Variants in ADAM22 observed in about 807,000 individuals in gnomAD.
ADAM22 encodes the protein ADAM metallopeptidase domain 22, also known as disintegrin and metalloproteinase domain-containing protein 22.
A neutral mutation model predicts 144.6 loss-of-function variants in ADAM22; 65 were observed. The observed-to-expected ratio is 0.45, with a 90% CI of 0.37 to 0.55. ADAM22 has a LOEUF of 0.55. Ranked by LOEUF, ADAM22 falls within the 20% of genes least tolerant of loss-of-function variation. The pLI, the probability that ADAM22 is intolerant of heterozygous loss-of-function variation, is 0.00. For missense variants in ADAM22, 974 were observed against 1,184.9 expected, an observed-to-expected ratio of 0.82 and a Z score of 2.61; for synonymous variants, 391 against 412.6, an observed-to-expected ratio of 0.95 and a Z score of 0.63.
intron 30 of ADAM22, among the ~76,000 whole-genome samples, chr7:88,188,652 C>T (rs1413555099): frequency 6.6e-6 from 1 of 152,132 alleles, no homozygotes; most frequent in Non-Finnish European, 1.5e-5. Context: ...ATTGAGATGG[C>T]CCAGAACGTT....
rs111631002 is a variant in ADAM22 at position 88,050,484 on chromosome 7, C to CAAA, written c.324-25127_324-25125dup. Among the ~76,000 whole-genome samples, 139 of 117,248 alleles carry CAAA rather than the reference C, an allele frequency of 1.2e-3. 1 individual carries two copies. Among genetic ancestry groups the CAAA allele is most frequent in the South Asian group, 4.8e-3 (18 of 3,714 alleles). 76.9% of individuals were successfully genotyped at this position (117,248 alleles called of 152,430 possible). ...CAGTCTTAGTGATTTCAGGATAACT[C>CAAA]AAAAAAAAAAAAAAAAAGAAAGAAA... is the stretch of plus-strand genomic sequence containing the variant. On this transcript the variant is annotated intron_variant, in intron 3 of 31. Transcript: ENST00000413139.
chr7:88,012,151 AT>A (rs1425250452), intron 3 of ADAM22, among the ~76,000 whole-genome samples: 1 of 151,784 alleles, frequency 6.6e-6, no homozygotes, highest in Non-Finnish European at 1.5e-5. Flanking sequence ...TATCAAAGGC[AT>A]TCTTCATTTC....
chr7:88,169,190 G>A (rs774326590), intron 25 of ADAM22, among the ~76,000 whole-genome samples: 55 of 152,192 alleles, frequency 3.6e-4, no homozygotes, highest in Non-Finnish European at 7.4e-4. Context: ...TAAAAAGGGA[G>A]AGCAGTTAGT....
intron 2 of ADAM22, among the ~76,000 whole-genome samples, chr7:87,956,023 C>T (rs569910211): frequency 3.0e-4 from 46 of 152,294 alleles, no homozygotes; most frequent in African/African-American, 9.4e-4. Flanking sequence ...TTCTACGTGC[C>T]GTCTGTCACC....
At chr7:88,119,219 T>C (rs146252331) in intron 7 of ADAM22, among the ~76,000 whole-genome samples, 2 of 152,344 alleles carry the variant, frequency 1.3e-5, no homozygotes, top group African/African-American at 4.8e-5. Flanking sequence ...TATAAAAGTC[T>C]TGTGTACCAT....
chr7:87,961,584 G>T (rs1848008006), intron 2 of ADAM22, among the ~76,000 whole-genome samples: 1 of 152,172 alleles, frequency 6.6e-6, no homozygotes, highest in Non-Finnish European at 1.5e-5. Context: ...TACAAGCATG[G>T]TTATGAATTA....
At chr7:87,950,065 A>C (rs937383403) in intron 2 of ADAM22, among the ~76,000 whole-genome samples, 2 of 152,100 alleles carry the variant, frequency 1.3e-5, no homozygotes, top group African/African-American at 2.4e-5. Flanking sequence ...GAACAGGCAC[A>C]TTAGTATAAT....
chr7:88,137,608 G>A (rs1266604384), intron 14 of ADAM22, among the ~76,000 whole-genome samples: 2 of 152,008 alleles, frequency 1.3e-5, no homozygotes, highest in Non-Finnish European at 2.9e-5. Flanking sequence ...AACCATCTGA[G>A]ATTTGTTGTA....
rs545185141 is a variant in ADAM22, at chr7:88,163,247, T to C, written c.2076+67T>C. 216 of 1,308,520 alleles carry C rather than the reference T, an allele frequency of 1.7e-4. 1 individual carries two copies. In the African/African-American group the frequency reaches 2.9e-3, roughly 18 times the overall value. 81.1% of individuals were successfully genotyped at this position (1,308,520 alleles called of 1,614,324 possible). ...CACAGAAATAGACAGGACCCTAAAC[T>C]ATTTATTTTTCTTAATTATGGAAAA... On this transcript the variant is annotated intron_variant, in intron 23 of 31. Transcript: ENST00000413139.
chr7:88,022,820 T>C (rs1002422270), intron 3 of ADAM22, among the ~76,000 whole-genome samples: 1 of 152,206 alleles, frequency 6.6e-6, no homozygotes, highest in African/African-American at 2.4e-5. Flanking sequence ...AAAAAAACTA[T>C]AACTTTATAT....
Position 88,200,352 on chromosome 7 carries a change from C to A in ADAM22, c.*3861C>A, listed in dbSNP as rs1217487112. 6.6e-6 allele frequency: 1 copy of A among 152,088 alleles called. No individual in the cohort carries two copies. Among genetic ancestry groups the A allele is most frequent in the Non-Finnish European group, 1.5e-5 (1 of 68,024 alleles). 9.4% of individuals were successfully genotyped at this position (152,088 alleles called of 1,614,324 possible). A position where few individuals can be genotyped will look rare whatever the true frequency, so the allele number is the denominator to read the frequency against. On this transcript the variant is annotated 3_prime_UTR_variant, in exon 32 of 32. Transcript: ENST00000413139. ...ACTTAAAGGAAAGAGAATTTATTGG[C>A]AGGATATTGAGTAGCTTGTAGAGTA... is the stretch of plus-strand genomic sequence containing the variant.
chr7:88,153,452 C>G, intron 21 of ADAM22, 126 bp downstream of exon 21: 1 of 690,462 alleles, frequency 1.4e-6, no homozygotes, highest in African/African-American at 1.8e-5. Context: ...AACCTCATCT[C>G]TTCCCAGTGT....
At chr7:88,093,504 G>GT (rs1193832051) in intron 4 of ADAM22, among the ~76,000 whole-genome samples, 5 of 151,942 alleles carry the variant, frequency 3.3e-5, no homozygotes, top group Non-Finnish European at 4.4e-5. Flanking sequence ...TACATTTGAT[G>GT]TTTTTTGTTT....
chr7:88,151,267 T>C lies in ADAM22; in HGVS notation c.1628T>C (p.Phe543Ser). ...YSCDGVQGIC[F>S]GGRCKTRDRQ... The stretch of plus-strand genomic sequence containing the variant: ...GCTTTTCCGTTTTAGGGAATTTGCT[T>C]TGGAGGAAGATGCAAAACCAGAGAT... Residue 543 changes from phenylalanine to serine, a missense_variant, in exon 20 of 32, where the codon TTT becomes TCT. Physicochemically the swap from Phe to Ser is radical, Grantham distance 155 (BLOSUM62 -2). This residue lies in a region of ADAM22 where 734 missense variants were observed against 950.6 expected (regional missense o/e 0.77). Coordinates refer to ENST00000413139, the MANE Select transcript of ADAM22 (RefSeq NM_001324418.2). 2 of 1,614,124 alleles carry C rather than the reference T, an allele frequency of 1.2e-6. No individual in the cohort carries two copies. The highest frequency in any genetic ancestry group is 1.7e-6 in the Non-Finnish European group (2 of 1,179,990).
At chr7:87,981,302 G>A (rs1853358739) in intron 3 of ADAM22, among the ~76,000 whole-genome samples, 1 of 152,150 alleles carries the variant, frequency 6.6e-6, no homozygotes, top group Non-Finnish European at 1.5e-5. Context: ...AAGGGATTCT[G>A]TTGTGCAGCT....
At chr7:88,157,450 T>G (rs1473999574) in intron 22 of ADAM22, among the ~76,000 whole-genome samples, 3 of 152,116 alleles carry the variant, frequency 2.0e-5, no homozygotes, top group African/African-American at 4.8e-5. Context: ...CAAACTAGAA[T>G]TTTGTACTCT....
intron 3 of ADAM22, among the ~76,000 whole-genome samples, chr7:88,021,475 T>C (rs907907326): frequency 2.0e-5 from 3 of 152,260 alleles, no homozygotes; most frequent in African/African-American, 7.2e-5. Context: ...TTCTGAATTC[T>C]GGACACTTTG....
At chr7:88,101,493 A>G (rs948221457) in intron 4 of ADAM22, among the ~76,000 whole-genome samples, 7 of 152,120 alleles carry the variant, frequency 4.6e-5, no homozygotes, top group Admixed American at 6.6e-5. Flanking sequence ...GCACTGAAAT[A>G]CCAGTATCCT....
intron 1 of ADAM22, 75 bp downstream of exon 1, chr7:87,934,625 A>G: frequency 1.5e-6 from 2 of 1,367,910 alleles, no homozygotes; most frequent in South Asian, 1.3e-5. Flanking sequence ...GCGTATTGAA[A>G]AGGGGGCATC....
Sources: allele counts gnomAD v4.1 joint callset (sites outside exome capture counted in the v4.1 genomes callset), GRCh38; gene constraint gnomAD v4.1.1; regional missense constraint gnomAD v4.1.1; transcripts MANE v1.5; gene names NCBI Gene and HGNC (gene_info 2026-07-23, HGNC 2026-07-21).